UBE3A: variants seen among roughly 807,000 people sequenced by gnomAD.
The protein encoded by UBE3A is ubiquitin-protein ligase E3A.
UBE3A carries 6 observed loss-of-function variants against 83.4 expected under a neutral mutation model. That is an observed-to-expected ratio of 0.07 (90% confidence interval 0.04 to 0.14). The LOEUF is 0.14. Ranked by LOEUF, UBE3A falls within the 10% of genes least tolerant of loss-of-function variation. The pLI is 1.00. For missense variants in UBE3A, 456 were observed against 1,036.1 expected (o/e 0.44, Z 7.69); for synonymous variants, 337 against 355.4 (o/e 0.95, Z 0.58).
chr15:25,395,049 C>T (rs1263052734), intron 4 of UBE3A, among the ~76,000 whole-genome samples: 2 of 152,098 alleles, frequency 1.3e-5, no homozygotes, highest in Non-Finnish European at 2.9e-5. Flanking sequence ...ATCATTTGAG[C>T]AGAGAGCTCT....
At chr15:25,384,016 T>C (rs8026998) in intron 4 of UBE3A, among the ~76,000 whole-genome samples, 18,118 of 152,074 alleles carry the variant, frequency 0.12, 1,157 homozygotes, top group Middle Eastern at 0.23. Context: ...TAAAAACCAA[T>C]ATTAAGAAAA....
In UBE3A at chr15:25,375,844, G is replaced by A. The variant is rs776432347; in HGVS notation, c.63-81C>T. 1.0e-4 allele frequency: 160 copies of A among 1,536,404 alleles called. 1 individual carries two copies. The highest frequency in any genetic ancestry group is 1.3e-4 in the Non-Finnish European group (152 of 1,128,500). ...AGCTCAACATATCATCAAGGCAAAA[G>A]TTAGTCAAGCACTGAAGTGATTAAC... On this transcript the variant is annotated intron_variant, in intron 4 of 12. Coordinates refer to ENST00000648336, the MANE Select transcript of UBE3A (RefSeq NM_130839.5).
At chr15:25,427,622 A>C (rs1891729427) in intron 1 of UBE3A, among the ~76,000 whole-genome samples, 3 of 148,270 alleles carry the variant, frequency 2.0e-5, no homozygotes, top group Non-Finnish European at 3.0e-5. Context: ...AAAAAAAAAA[A>C]AAAAAAAAAC....
At position 25,359,620 on chromosome 15, in the gene UBE3A, G is replaced by A. The variant is rs1299817824; in HGVS notation, c.1753+763C>T. 2.0e-5 allele frequency among the ~76,000 whole-genome samples: 3 copies of A among 152,040 alleles called. No homozygotes were observed. The South Asian group carries it at 6.2e-4, about 32-fold the overall frequency. On this transcript the variant is annotated intron_variant, in intron 7 of 12. Coordinates refer to ENST00000648336, the MANE Select transcript of UBE3A (RefSeq NM_130839.5). ...GGAAACCTTTTCCTGTAATTGTCAT[G>A]TACTCAATTTTAAACGTAAGCAAGC...
In UBE3A at chr15:25,337,154, C is replaced by T. The variant is rs2074006347; in HGVS notation, c.*1983G>A. ...TATATCTGATAACCTATTTCAATTA[C>T]CACTTTAAAACTTGTCATATGGATA... On this transcript the variant is annotated 3_prime_UTR_variant, in exon 13 of 13. Transcript: ENST00000648336. 1.3e-5 allele frequency: 2 copies of T among 152,220 alleles called. No homozygotes were observed. The highest frequency in any genetic ancestry group is 3.4e-3 in the Middle Eastern group (1 of 294). 9.4% of individuals were successfully genotyped at this position (152,220 alleles called of 1,614,324 possible).
chr15:25,388,802 T>C (rs1395374226), intron 4 of UBE3A, among the ~76,000 whole-genome samples: 2 of 152,314 alleles, frequency 1.3e-5, no homozygotes, highest in Admixed American at 6.5e-5. Flanking sequence ...AAAAAGTTAA[T>C]AGCTTTCCTG....
At chr15:25,355,564 G>C (rs1321738996) in intron 9 of UBE3A, among the ~76,000 whole-genome samples, 6 of 152,022 alleles carry the variant, frequency 3.9e-5, no homozygotes, top group Non-Finnish European at 7.4e-5. Context: ...TATTTGTTCT[G>C]TGATAAAGAC....
chr15:25,415,125 A>G (rs191240898), intron 1 of UBE3A, among the ~76,000 whole-genome samples: 89 of 152,256 alleles, frequency 5.8e-4, no homozygotes, highest in South Asian at 1.9e-3. Flanking sequence ...TTCCTTAAAA[A>G]TATCTCTTAC....
chr15:25,340,281 T>C, intron 11 of UBE3A, 53 bp from the exon 12 acceptor site: 1 of 1,569,846 alleles, frequency 6.4e-7, no homozygotes. Flanking sequence ...TTATGACTGG[T>C]ACTAACATAA....
intron 3 of UBE3A, 194 bp from the exon 4 acceptor site, chr15:25,405,696 G>GTCCA: frequency 1.6e-6 from 1 of 612,596 alleles, no homozygotes; most frequent in Non-Finnish European, 2.9e-6. Context: ...TTAAGGGTTG[G>GTCCA]ACTATTAAAA....
At position 25,414,960 on chromosome 15, in the gene UBE3A, G is replaced by T. The variant is rs550695068; in HGVS notation, c.-164-2989C>A. Among the ~76,000 whole-genome samples the T allele has an allele frequency of 4.6e-5, 7 of 152,264 alleles. No homozygotes were observed. In the East Asian group the frequency reaches 1.4e-3, roughly 29 times the overall value. On this transcript the variant is annotated intron_variant, in intron 1 of 12. Coordinates refer to ENST00000648336, the MANE Select transcript of UBE3A (RefSeq NM_130839.5). ...GTGCTTGCAAATGTTTATAGAATAA[G>T]CATCTTACAAAAGAGAAAATTTTTC...
rs149824737 is a variant in UBE3A at position 25,371,469 on chromosome 15, G to C, written c.705C>G (p.Ala235=). The C allele has an allele frequency of 1.2e-6, 2 of 1,613,880 alleles. No homozygotes were observed. Among genetic ancestry groups the C allele is most frequent in the African/African-American group, 2.7e-5 (2 of 74,892 alleles). Residue 235 remains alanine, a synonymous_variant, in exon 6 of 13, where the codon GCC becomes GCG. Coordinates refer to ENST00000648336, the MANE Select transcript of UBE3A (RefSeq NM_130839.5). The surrounding 1 kb of genome is among the most constrained non-coding windows in gnomAD (Gnocchi z 5.3). ...GPDDVSVDID[A]IRRVYTRLLS... Reference sequence around the variant, plus strand: ...GCAATCTGGTGTAGACCCTTCTAATGGCATCAATATCCACAGACACATCAT... The same window carrying C: ...GCAATCTGGTGTAGACCCTTCTAATCGCATCAATATCCACAGACACATCAT...
chr15:25,407,013 A>T, intron 3 of UBE3A: 14 of 1,251,306 alleles, frequency 1.1e-5, no homozygotes, highest in Non-Finnish European at 1.3e-5. Flanking sequence ...CAAATGCAAA[A>T]ATTTCACTCC....
intron 11 of UBE3A, chr15:25,345,591 A>ACACACACACACAC (rs1555384547): frequency 2.4e-5 from 3 of 126,010 alleles, no homozygotes; most frequent in African/African-American, 6.2e-5. Context: ...CACACACACA[A>ACACACACACACAC]ATAAATAAAT....
intron 6 of UBE3A, among the ~76,000 whole-genome samples, chr15:25,368,071 C>A (rs997983982): frequency 2.0e-5 from 3 of 151,996 alleles, no homozygotes; most frequent in Admixed American, 2.0e-4. Context: ...CTATACAATT[C>A]CAAAATTAGC....
intron 6 of UBE3A, among the ~76,000 whole-genome samples, chr15:25,363,201 T>C (rs1263057175): frequency 6.6e-6 from 1 of 152,222 alleles, no homozygotes; most frequent in Admixed American, 6.5e-5. Context: ...CAATGCAATA[T>C]GTTCTATTGT....
intron 4 of UBE3A, chr15:25,393,950 A>G (rs1009080436): frequency 6.6e-6 from 1 of 152,122 alleles, no homozygotes; most frequent in East Asian, 1.9e-4. Context: ...CTAACTCTAC[A>G]TTACTGCAAT....
intron 3 of UBE3A, chr15:25,407,331 AAAGAG>A: frequency 1.0e-6 from 1 of 984,700 alleles, no homozygotes; most frequent in Non-Finnish European, 1.2e-6. Flanking sequence ...ATTAACAGGG[AAAGAG>A]AAGAGAGGGA....
At chr15:25,430,300 CATATATATAAGATTATATATATATT>C (rs1256863267) in intron 1 of UBE3A, among the ~76,000 whole-genome samples, 3 of 79,758 alleles carry the variant, frequency 3.8e-5, no homozygotes, top group African/African-American at 1.5e-4. Context: ...ATATATAATA[CATATATATAAGATTATATATATATT>C]ATATATATAA....
Sources: allele counts gnomAD v4.1 joint callset (sites outside exome capture counted in the v4.1 genomes callset), GRCh38; gene constraint gnomAD v4.1.1; non-coding constraint Gnocchi (gnomAD v3.1); transcripts MANE v1.5; gene names NCBI Gene and HGNC (gene_info 2026-07-23, HGNC 2026-07-21).